DHX57: variants seen among roughly 807,000 people sequenced by gnomAD.
DHX57 encodes the protein DExH-box helicase 57.
Under a neutral mutation model 156.2 loss-of-function variants are expected in DHX57, and 105 were observed. The ratio of observed to expected loss-of-function variants is 0.67; its 90% CI spans 0.57 to 0.79. The LOEUF is 0.79. Among genes scored for constraint, DHX57 ranks in the 30% least tolerant of loss-of-function variants. DHX57 has a pLI of 0.00. For synonymous variants in DHX57, 704 were observed against 595.6 expected (o/e 1.18, Z -2.65); for missense variants, 1,847 against 1,661.9 (o/e 1.11, Z -1.94).
chr2:38,862,240 G>A lies in DHX57; in HGVS notation c.477C>T (p.Pro159=), dbSNP rs745480460. The A allele has an allele frequency of 4.4e-5, 71 of 1,613,732 alleles. No homozygotes were observed. In the South Asian group the frequency reaches 5.8e-4, roughly 13 times the overall value. Residue 159 remains proline, a synonymous_variant, in exon 4 of 24, where the codon CCC becomes CCT. Transcript: ENST00000457308. ...CAGCATATTCCAAAGGATCCAAGTCGGGAACGAGGGAAGGTTCCTGTCCAG... is the reference window on the plus strand; with the variant it reads ...CAGCATATTCCAAAGGATCCAAGTCAGGAACGAGGGAAGGTTCCTGTCCAG... ...WPAGQEPSLV[P]DLDPLEYAGL... is the part of the protein sequence containing the mutation.
At chr2:38,815,024 C>T (rs1274616427) in intron 20 of DHX57, among the ~76,000 whole-genome samples, 1 of 151,530 alleles carries the variant, frequency 6.6e-6, no homozygotes, top group Non-Finnish European at 1.5e-5. Context: ...GCCCAGCCCC[C>T]TCTATTCTTA....
intron 8 of DHX57, 165 bp downstream of exon 8, chr2:38,854,892 A>G (rs1197123627): frequency 2.9e-6 from 2 of 694,542 alleles, no homozygotes; most frequent in African/African-American, 1.8e-5. Context: ...ATATTTCTAA[A>G]TATTTCTAAA....
chr2:38,813,222 A>G (rs976597341), intron 21 of DHX57, among the ~76,000 whole-genome samples: 4 of 152,126 alleles, frequency 2.6e-5, no homozygotes, highest in Non-Finnish European at 5.9e-5. Context: ...ATAGAAAGTT[A>G]GTTATATATA....
intron 2 of DHX57, among the ~76,000 whole-genome samples, 175 bp downstream of exon 2, chr2:38,868,006 AC>A (rs754524201): frequency 2.0e-5 from 3 of 152,214 alleles, no homozygotes; most frequent in Admixed American, 6.5e-5. Flanking sequence ...GTGTCATGCA[AC>A]CTACATACAC....
At position 38,858,704 on chromosome 2, in the gene DHX57, T is replaced by C. The variant is rs1673029036; in HGVS notation, c.1544A>G (p.His515Arg). 5 of 1,613,966 alleles carry C rather than the reference T, an allele frequency of 3.1e-6. No individual in the cohort carries two copies. Among genetic ancestry groups the C allele is most frequent in the East Asian group, 4.5e-5 (2 of 44,870 alleles). ...KRYDWQAKSVHAENGKICKQF... is the reference protein window; with the variant it reads ...KRYDWQAKSVRAENGKICKQF... ...CTTGCAGATTTTACCATTTTCAGCA[T>C]GTACTGACTTTGCCTGCCAGTCATA... Residue 515 changes from histidine (H) to arginine (R), a missense_variant, in exon 6 of 24, where the codon CAT (histidine) becomes CGT (arginine). Coordinates refer to ENST00000457308, the MANE Select transcript of DHX57 (RefSeq NM_198963.3).
chr2:38,798,824 A>G (rs1033565007), intron 23 of DHX57, among the ~76,000 whole-genome samples: 4 of 152,156 alleles, frequency 2.6e-5, no homozygotes, highest in Admixed American at 2.6e-4. Context: ...TGCGCCTGTA[A>G]TCCCAGCTAC....
chr2:38,828,381 C>T lies in DHX57; in HGVS notation c.2598G>A (p.Gln866=). Residue 866 remains glutamine (Q), a synonymous_variant, in exon 14 of 24, where the codon CAG becomes CAA. Transcript: ENST00000457308. The part of the protein sequence containing the change: ...GLAEIKMLYE[Q]LQSNSLFNNR... ...TGTTGAAAAGAGAATTAGACTGTAG[C>T]TGTTCATAAAGCATTTTGATTTCTG... is the stretch of plus-strand genomic sequence containing the variant. 2 of 1,613,486 alleles carry T rather than the reference C, an allele frequency of 1.2e-6. No individual in the cohort carries two copies. Among genetic ancestry groups the T allele is most frequent in the Non-Finnish European group, 1.7e-6 (2 of 1,179,768 alleles).
intron 21 of DHX57, chr2:38,811,693 A>G: frequency 1.1e-6 from 1 of 920,130 alleles, no homozygotes; most frequent in Admixed American, 2.0e-5. Context: ...GGTGCCTGGA[A>G]TCTGTCTTCA....
At chr2:38,806,384 T>TA (rs3835113) in intron 22 of DHX57, 175 bp downstream of exon 22, 7,386 of 660,946 alleles carry the variant, frequency 0.011, 227 homozygotes, top group East Asian at 0.091. Flanking sequence ...CAAATGGAAA[T>TA]AGTCTTTCCA....
intron 19 of DHX57, among the ~76,000 whole-genome samples, chr2:38,817,496 A>T (rs1232990989): frequency 2.0e-5 from 3 of 147,850 alleles, no homozygotes; most frequent in Non-Finnish European, 3.0e-5. Flanking sequence ...TTGTATTTTT[A>T]ATAGAGATGG....
chr2:38,840,015 T>C (rs939820091), intron 12 of DHX57, among the ~76,000 whole-genome samples: 19 of 151,244 alleles, frequency 1.3e-4, no homozygotes, highest in African/African-American at 4.6e-4. Context: ...GGCGTGATCA[T>C]GGCTTACTGC....
chr2:38,822,948 T>C lies in DHX57; in HGVS notation c.3291+45A>G, dbSNP rs370567295. 5.7e-6 allele frequency: 9 copies of C among 1,590,460 alleles called. No homozygotes were observed. The African/African-American group carries it at 1.2e-4, about 21-fold the overall frequency. ...CCCCCATGGTCCCCTTAGAGACCTA[T>C]GGTCCTCTTAGAGACTCCAGTTTAG... On this transcript the variant is annotated intron_variant, in intron 17 of 23. Coordinates refer to ENST00000457308, the MANE Select transcript of DHX57 (RefSeq NM_198963.3).
chr2:38,805,540 T>C (rs1669896574), intron 22 of DHX57, among the ~76,000 whole-genome samples: 1 of 152,114 alleles, frequency 6.6e-6, no homozygotes, highest in Non-Finnish European at 1.5e-5. Flanking sequence ...TGTTTGGGGT[T>C]TGAGCTAAGG....
At position 38,815,555 on chromosome 2, in the gene DHX57, C is replaced by T. The variant is rs753528561; in HGVS notation, c.3572G>A (p.Gly1191Glu). 10 of 1,614,126 alleles carry T rather than the reference C, an allele frequency of 6.2e-6. No homozygotes were observed. In the East Asian group the frequency reaches 2.2e-4, roughly 36 times the overall value. ...RAREIEKRAQ[G>E]GDGVLDATGE... ...TGTGGCATCTAAGACACCATCTCCT[C>T]CTTGGGCCCTTTTCTCAATTTCCCT... The change falls in exon 20 of 24, where the codon GGA (glycine) becomes GAA (glutamate). Residue 1191 changes from glycine to glutamate, a missense_variant. Physicochemically the swap from Gly to Glu is moderately conservative, Grantham distance 98. Transcript: ENST00000457308.
chr2:38,848,484 G>A, intron 9 of DHX57, 82 bp from the exon 10 acceptor site: 2 of 1,373,890 alleles, frequency 1.5e-6, no homozygotes, highest in South Asian at 1.6e-5. Context: ...TTTTGAGCAA[G>A]AAATGTGTAA....
chr2:38,819,186 T>C, intron 17 of DHX57, 42 bp from the exon 18 acceptor site: 1 of 1,596,306 alleles, frequency 6.3e-7, no homozygotes, highest in Non-Finnish European at 8.6e-7. Flanking sequence ...ACACTTTTTT[T>C]TTTTCAAAGA....
chr2:38,856,271 G>A, intron 7 of DHX57, 69 bp downstream of exon 7: 3 of 1,548,528 alleles, frequency 1.9e-6, no homozygotes, highest in East Asian at 2.3e-5. Flanking sequence ...AAGTTCAACT[G>A]GTTATGGTAA....
At chr2:38,816,765 C>T (rs77441647) in intron 19 of DHX57, among the ~76,000 whole-genome samples, 2,936 of 152,050 alleles carry the variant, frequency 0.019, 56 homozygotes, top group Non-Finnish European at 0.03. Context: ...TTAAATATAC[C>T]GCAGTTTCTA....
chr2:38,867,478 T>C (rs1217755225), intron 2 of DHX57, among the ~76,000 whole-genome samples: 1 of 152,216 alleles, frequency 6.6e-6, no homozygotes, highest in Non-Finnish European at 1.5e-5. Context: ...TGTAACACCA[T>C]CAGATGATGG....
Sources: gnomAD v4.1 joint callset for allele counts (sites outside exome capture counted in the v4.1 genomes callset) on GRCh38, gnomAD v4.1.1 for gene constraint, MANE v1.5 for transcripts, NCBI Gene and HGNC (gene_info 2026-07-23, HGNC 2026-07-21) for gene names.